Variants in SENP7 observed in about 807,000 individuals in gnomAD.
SENP7 encodes SUMO specific peptidase 7, also known as sentrin-specific protease 7.
A neutral mutation model predicts 141.2 loss-of-function variants in SENP7; 64 were observed. The observed-to-expected ratio is 0.45, with a 90% CI of 0.37 to 0.56. The LOEUF is 0.56. Ranked by LOEUF, SENP7 falls within the 20% of genes least tolerant of loss-of-function variation. The pLI, the probability that SENP7 is intolerant of heterozygous loss-of-function variation, is 0.00. For missense variants in SENP7, 1,025 were observed against 1,212.2 expected (o/e 0.85, Z 2.29); for synonymous variants, 382 against 426.4 (o/e 0.90, Z 1.28).
At position 101,459,063 on chromosome 3, in the gene SENP7, A is replaced by G. The variant is rs774218763; in HGVS notation, c.187-11T>C. The stretch of plus-strand genomic sequence containing the variant: ...TAGGCTTCTTTCCCACTAGGAAAAA[A>G]AAAATGAAATTTTAATAATAAACAT... On this transcript the variant is annotated splice_polypyrimidine_tract_variant and intron_variant, in intron 3 of 23. Coordinates refer to ENST00000394095, the MANE Select transcript of SENP7 (RefSeq NM_020654.5). 2.0e-6 allele frequency: 3 copies of G among 1,490,824 alleles called. No homozygotes were observed. The South Asian group carries it at 3.6e-5, about 18-fold the overall frequency. 92.3% of individuals were successfully genotyped at this position (1,490,824 alleles called of 1,614,324 possible). A position where few individuals can be genotyped will look rare whatever the true frequency, so the allele number is the denominator to read the frequency against.
intron 6 of SENP7, among the ~76,000 whole-genome samples, chr3:101,390,390 C>A (rs1418645575): frequency 6.6e-6 from 1 of 150,392 alleles, no homozygotes; most frequent in Non-Finnish European, 1.5e-5. Flanking sequence ...CAAAAGCATG[C>A]AAGAGCAGCT....
intron 4 of SENP7, among the ~76,000 whole-genome samples, chr3:101,420,693 A>G (rs549841062): frequency 1.6e-4 from 24 of 152,340 alleles, no homozygotes; most frequent in African/African-American, 5.8e-4. Flanking sequence ...ACCCCCTGAT[A>G]TGTGCAGTAA....
intron 6 of SENP7, among the ~76,000 whole-genome samples, chr3:101,378,254 A>T (rs2060394070): frequency 6.6e-6 from 1 of 152,172 alleles, no homozygotes; most frequent in South Asian, 2.1e-4. Context: ...CAGACATGTC[A>T]GAGATGTTGA....
At chr3:101,342,804 T>C (rs1166149380) in intron 14 of SENP7, among the ~76,000 whole-genome samples, 3 of 152,034 alleles carry the variant, frequency 2.0e-5, no homozygotes, top group Admixed American at 1.3e-4. Context: ...TAACTGGGAT[T>C]ACAGGAATGC....
chr3:101,490,800 C>A lies in SENP7; in HGVS notation c.186+3073G>T, dbSNP rs530939710. 1.4e-4 allele frequency among the ~76,000 whole-genome samples: 21 copies of A among 152,154 alleles called. No homozygotes were observed. In the East Asian group the frequency reaches 3.3e-3, roughly 24 times the overall value. On this transcript the variant is annotated intron_variant, in intron 3 of 23. Coordinates refer to ENST00000394095, the MANE Select transcript of SENP7 (RefSeq NM_020654.5). ...CATTGAAAACCACTAAAAACAACAA[C>A]AAAAAAGTTGAGTAGTGGAAATGCG...
chr3:101,463,430 A>C (rs1006692356), intron 3 of SENP7, among the ~76,000 whole-genome samples: 2 of 88,294 alleles, frequency 2.3e-5, no homozygotes, highest in East Asian at 3.4e-4. Context: ...CACACATATA[A>C]AATAAAAACT....
At chr3:101,365,689 T>A (rs1275709096) in intron 9 of SENP7, among the ~76,000 whole-genome samples, 1 of 147,922 alleles carries the variant, frequency 6.8e-6, no homozygotes, top group African/African-American at 2.5e-5. Context: ...TTATTTTTAA[T>A]AATCCTGTTA....
intron 2 of SENP7, among the ~76,000 whole-genome samples, chr3:101,497,846 A>C (rs917960896): frequency 8.5e-5 from 13 of 152,240 alleles, no homozygotes; most frequent in African/African-American, 3.1e-4. Context: ...TCTGTTATCC[A>C]GGCTGGAATG....
chr3:101,427,733 C>T (rs2062013068), intron 4 of SENP7, among the ~76,000 whole-genome samples: 2 of 151,860 alleles, frequency 1.3e-5, no homozygotes, highest in African/African-American at 4.8e-5. Context: ...TTCTGGGGTA[C>T]ATGTGCACAA....
chr3:101,490,327 G>A (rs1045059345), intron 3 of SENP7, among the ~76,000 whole-genome samples: 3 of 151,912 alleles, frequency 2.0e-5, no homozygotes, highest in Non-Finnish European at 4.4e-5. Context: ...TGCAAAACAT[G>A]GATAAATGTT....
chr3:101,390,332 T>A, intron 6 of SENP7, among the ~76,000 whole-genome samples: 4 of 115,376 alleles, frequency 3.5e-5, no homozygotes, highest in Admixed American at 1.0e-4. Flanking sequence ...AATAAAGACA[T>A]ACATTGACCG....
chr3:101,354,176 T>C (rs1464569490), intron 11 of SENP7, among the ~76,000 whole-genome samples: 2 of 152,106 alleles, frequency 1.3e-5, no homozygotes, highest in African/African-American at 2.4e-5. Context: ...TATATTTACT[T>C]TGAATTGCTA....
intron 17 of SENP7, among the ~76,000 whole-genome samples, chr3:101,333,469 G>A (rs574015756): frequency 6.6e-6 from 1 of 152,226 alleles, no homozygotes; most frequent in East Asian, 1.9e-4. Flanking sequence ...AGGAGTTTGA[G>A]GCTGTGATCA....
chr3:101,419,791 T>C lies in SENP7; in HGVS notation c.285-2001A>G, dbSNP rs79679852. Among the ~76,000 whole-genome samples, 932 of 152,338 alleles carry C rather than the reference T, an allele frequency of 6.1e-3. 6 individuals carry two copies. Among genetic ancestry groups the C allele is most frequent in the African/African-American group, 0.022 (898 of 41,566 alleles). On this transcript the variant is annotated intron_variant, in intron 4 of 23. Coordinates refer to ENST00000394095, the MANE Select transcript of SENP7 (RefSeq NM_020654.5). ...CCCAAGAAATTGCATTAAGTGCTAA[T>C]ATTTATTGAACATGTACTATATACC... is the stretch of plus-strand genomic sequence containing the variant.
At chr3:101,454,009 AAAG>A (rs2063257127) in intron 4 of SENP7, among the ~76,000 whole-genome samples, 1 of 152,206 alleles carries the variant, frequency 6.6e-6, no homozygotes, top group Non-Finnish European at 1.5e-5. Context: ...GAAGGAAAGA[AAAG>A]AAAGAGAGAG....
chr3:101,328,759 T>C, intron 20 of SENP7, 70 bp from the exon 21 acceptor site: 1 of 1,179,586 alleles, frequency 8.5e-7, no homozygotes, highest in Non-Finnish European at 1.2e-6. Flanking sequence ...AGTTACTCCT[T>C]TAAAGTGTTT....
At chr3:101,418,552 T>G (rs1408470113) in intron 4 of SENP7, among the ~76,000 whole-genome samples, 2 of 152,188 alleles carry the variant, frequency 1.3e-5, no homozygotes, top group Non-Finnish European at 2.9e-5. Flanking sequence ...GGGAAATGTT[T>G]AATCAGAAGA....
chr3:101,361,743 A>G lies in SENP7; in HGVS notation c.1595T>C (p.Ile532Thr). 2.5e-6 allele frequency: 4 copies of G among 1,586,186 alleles called. No individual in the cohort carries two copies. Among genetic ancestry groups the G allele is most frequent in the Non-Finnish European group, 3.4e-6 (4 of 1,170,658 alleles). ...FIFTSVYIGK[I>T]KGASKGCVTI... ...AACACAACCTTTAGAAGCTCCTTTT[A>G]TTTTACCAATATAAACAGAAGTAAA... Residue 532 changes from isoleucine (I) to threonine (T), a missense_variant, in exon 11 of 24, where the codon ATA (isoleucine) becomes ACA (threonine). Ile to Thr is a moderately conservative substitution (Grantham distance 89). Transcript: ENST00000394095.
intron 16 of SENP7, among the ~76,000 whole-genome samples, chr3:101,338,783 G>A (rs1047913330): frequency 2.6e-5 from 4 of 152,166 alleles, no homozygotes; most frequent in Non-Finnish European, 4.4e-5. Flanking sequence ...TGGAAACTTC[G>A]TAATTCCTGA....
Sources: gnomAD v4.1 joint callset for allele counts (sites outside exome capture counted in the v4.1 genomes callset) on GRCh38, gnomAD v4.1.1 for gene constraint, MANE v1.5 for transcripts, NCBI Gene and HGNC (gene_info 2026-07-23, HGNC 2026-07-21) for gene names.